GALNT2: variants seen among roughly 807,000 people sequenced by gnomAD.
GALNT2 encodes the protein UDP-GalNAc:polypeptide N-acetylgalactosaminyltransferase 2.
In GALNT2, 31 loss-of-function variants were observed where a neutral mutation model predicts 81.4. The ratio of observed to expected loss-of-function variants is 0.38; its 90% CI spans 0.29 to 0.51. GALNT2 has a LOEUF of 0.51. Ranked by LOEUF, GALNT2 falls within the 20% of genes least tolerant of loss-of-function variation. The pLI is 0.87. For missense variants in GALNT2, 629 were observed against 765.7 expected (o/e 0.82, Z 2.11); for synonymous variants, 303 against 287.4 (o/e 1.05, Z -0.55).
chr1:230,092,217 C>T (rs137883088), intron 1 of GALNT2, among the ~76,000 whole-genome samples: 2,349 of 30,078 alleles, frequency 0.078, 27 homozygotes, highest in Non-Finnish European at 0.097. Flanking sequence ...TTCTGATTTT[C>T]GTTAGGCTCG....
chr1:230,278,051 C>G (rs1558175653), intron 15 of GALNT2, among the ~76,000 whole-genome samples: 1 of 139,334 alleles, frequency 7.2e-6, no homozygotes, highest in African/African-American at 2.6e-5. Context: ...AAAAATGTTA[C>G]TTTTTTTTTT....
intron 1 of GALNT2, among the ~76,000 whole-genome samples, chr1:230,169,653 G>A (rs149570663): frequency 5.4e-4 from 80 of 147,864 alleles, no homozygotes; most frequent in African/African-American, 1.7e-3. Context: ...ATAATTATGC[G>A]ATTGTAGTTC....
intron 1 of GALNT2, among the ~76,000 whole-genome samples, chr1:230,082,534 C>T (rs1332486007): frequency 4.6e-5 from 7 of 152,258 alleles, no homozygotes; most frequent in Non-Finnish European, 1.5e-5. Context: ...GCCGACTCTC[C>T]TTATCCCTAC....
intron 11 of GALNT2, 107 bp downstream of exon 11, chr1:230,255,451 C>A: frequency 7.0e-7 from 1 of 1,425,110 alleles, no homozygotes; most frequent in Non-Finnish European, 9.7e-7. Flanking sequence ...GGGTGTGGTG[C>A]ATTTATACAA....
chr1:230,173,434 CTGTGGGGTAA>C (rs1262375434), intron 1 of GALNT2, among the ~76,000 whole-genome samples: 1 of 152,228 alleles, frequency 6.6e-6, no homozygotes, highest in East Asian at 1.9e-4. Flanking sequence ...CACCATCTGT[CTGTGGGGTAA>C]TCATTCTGCA....
At chr1:230,245,859 C>T (rs1052078892) in intron 7 of GALNT2, among the ~76,000 whole-genome samples, 11 of 152,200 alleles carry the variant, frequency 7.2e-5, no homozygotes, top group Non-Finnish European at 1.3e-4. Context: ...TGCCTCCCAG[C>T]AGGCCACAGC....
At chr1:230,110,011 T>C (rs1389838648) in intron 1 of GALNT2, among the ~76,000 whole-genome samples, 1 of 152,156 alleles carries the variant, frequency 6.6e-6, no homozygotes, top group African/African-American at 2.4e-5. Context: ...AGACCTGGTG[T>C]ACACCCGTCT....
intron 1 of GALNT2, among the ~76,000 whole-genome samples, chr1:230,114,596 A>G (rs547042920): frequency 3.3e-5 from 5 of 152,318 alleles, no homozygotes; most frequent in South Asian, 2.1e-4. Context: ...GCAGGTAGAC[A>G]TTCCCTTGAC....
Position 230,275,985 on chromosome 1 carries a change from A to G in GALNT2, c.1560+1421A>G, listed in dbSNP as rs1175127977. Reference sequence around the variant, plus strand: ...ATATACATGCCACATATATATACGTATATATACATGCCACATATATATACG... The same window carrying G: ...ATATACATGCCACATATATATACGTGTATATACATGCCACATATATATACG... On this transcript the variant is annotated intron_variant, in intron 15 of 15. Coordinates refer to ENST00000366672, the MANE Select transcript of GALNT2 (RefSeq NM_004481.5). This position sits in a 1 kb window ranked among gnomAD's most constrained non-coding sequence, Gnocchi z 5.5. Among the ~76,000 whole-genome samples, 1 of 78,038 alleles carries G rather than the reference A, an allele frequency of 1.3e-5. No homozygotes were observed. The highest frequency in any genetic ancestry group is 2.6e-5 in the Non-Finnish European group (1 of 38,720). The allele number at this position is 78,038 out of a possible 152,430, so 51.2% of individuals were successfully genotyped here. A position where few individuals can be genotyped will look rare whatever the true frequency, so the allele number is the denominator to read the frequency against.
intron 1 of GALNT2, among the ~76,000 whole-genome samples, chr1:230,123,864 C>G (rs1226827157): frequency 1.3e-5 from 2 of 152,182 alleles, no homozygotes; most frequent in Admixed American, 6.5e-5. Context: ...ATGACCTGCA[C>G]ACTTAGCAGA....
intron 1 of GALNT2, among the ~76,000 whole-genome samples, chr1:230,114,026 G>A (rs1388341301): frequency 6.6e-6 from 1 of 152,142 alleles, no homozygotes; most frequent in Non-Finnish European, 1.5e-5. Flanking sequence ...AAACCCTTGC[G>A]TTCCCAGCCT....
chr1:230,091,444 C>T (rs1039306138), intron 1 of GALNT2: 1 of 152,204 alleles, frequency 6.6e-6, no homozygotes, highest in Non-Finnish European at 1.5e-5. Flanking sequence ...TGGCCTATTT[C>T]CATCTGTCTG....
At position 230,218,474 on chromosome 1, in the gene GALNT2, G is replaced by C. The variant is rs1299658442; in HGVS notation, c.374+15184G>C. ...GATAATACTCATCTTATGGGCTGCCGTGTGAGGACTAAATGGGTTAACACC... is the reference window on the plus strand; with the variant it reads ...GATAATACTCATCTTATGGGCTGCCCTGTGAGGACTAAATGGGTTAACACC... On this transcript the variant is annotated intron_variant, in intron 3 of 15. Coordinates refer to ENST00000366672, the MANE Select transcript of GALNT2 (RefSeq NM_004481.5). Among the ~76,000 whole-genome samples the C allele has an allele frequency of 2.0e-5, 3 of 152,286 alleles. No individual in the cohort carries two copies. In the East Asian group the frequency reaches 5.8e-4, roughly 29 times the overall value.
chr1:230,275,326 C>T lies in GALNT2; in HGVS notation c.1560+762C>T, dbSNP rs1178438240. Among the ~76,000 whole-genome samples the T allele has an allele frequency of 6.6e-6, 1 of 151,300 alleles. No homozygotes were observed. The highest frequency in any genetic ancestry group is 1.5e-5 in the Non-Finnish European group (1 of 67,794). ...CATATATAAACGCCACATATATATA[C>T]ACACCACATATGTATACATATATAT... is the stretch of plus-strand genomic sequence containing the variant. On this transcript the variant is annotated intron_variant, in intron 15 of 15. Transcript: ENST00000366672. The surrounding 1 kb of genome is among the most constrained non-coding windows in gnomAD (Gnocchi z 5.5).
intron 3 of GALNT2, among the ~76,000 whole-genome samples, chr1:230,226,624 G>A (rs562964003): frequency 5.9e-5 from 9 of 152,294 alleles, no homozygotes; most frequent in Admixed American, 2.6e-4. Flanking sequence ...CCATCTTTCC[G>A]AACACATGCG....
intron 1 of GALNT2, among the ~76,000 whole-genome samples, chr1:230,129,514 C>G (rs1661300512): frequency 6.6e-6 from 1 of 152,008 alleles, no homozygotes; most frequent in Non-Finnish European, 1.5e-5. Flanking sequence ...AAGATGGGGT[C>G]TTGCTGTATT....
chr1:230,137,920 C>A (rs979172829), intron 1 of GALNT2, among the ~76,000 whole-genome samples: 1 of 152,146 alleles, frequency 6.6e-6, no homozygotes, highest in Non-Finnish European at 1.5e-5. Flanking sequence ...GCATTATTAT[C>A]GTTTCCTAGG....
At chr1:230,248,223 G>A (rs538075855) in intron 8 of GALNT2, among the ~76,000 whole-genome samples, 40 of 152,334 alleles carry the variant, frequency 2.6e-4, no homozygotes, top group African/African-American at 9.4e-4. Context: ...GACAGACTAT[G>A]AATTCAAAGC....
At chr1:230,116,648 C>G (rs1660857542) in intron 1 of GALNT2, among the ~76,000 whole-genome samples, 1 of 152,230 alleles carries the variant, frequency 6.6e-6, no homozygotes. Context: ...GCATCTCCAT[C>G]AGAGCTCTTG....
Sources: gnomAD v4.1 joint callset for allele counts (sites outside exome capture counted in the v4.1 genomes callset) on GRCh38, gnomAD v4.1.1 for gene constraint, Gnocchi (gnomAD v3.1) non-coding constraint, MANE v1.5 for transcripts, NCBI Gene and HGNC (gene_info 2026-07-23, HGNC 2026-07-21) for gene names.